The following EYS variants were observed in gnomAD, a reference collection of about 807,000 sequenced individuals.
The protein encoded by EYS is protein eyes shut homolog.
In EYS, 250 loss-of-function variants were observed where a neutral mutation model predicts 282.1. The ratio of observed to expected loss-of-function variants is 0.89; its 90% CI spans 0.80 to 0.98. The LOEUF (loss-of-function observed/expected upper bound fraction) is 0.98. Ranked by LOEUF, EYS falls within the 50% of genes least tolerant of loss-of-function variation. The pLI is 0.00. For missense variants in EYS, 4,016 were observed against 3,709.0 expected (o/e 1.08, Z -2.15); for synonymous variants, 1,355 against 1,282.9 (o/e 1.06, Z -1.20).
At chr6:64,720,779 C>T (rs895891413) in intron 22 of EYS, among the ~76,000 whole-genome samples, 2 of 152,168 alleles carry the variant, frequency 1.3e-5, no homozygotes, top group African/African-American at 4.8e-5. Context: ...ACCAGTCTAT[C>T]TTTCTCTTTA....
intron 28 of EYS, among the ~76,000 whole-genome samples, chr6:64,426,703 C>T (rs899878300): frequency 1.3e-5 from 2 of 152,068 alleles, no homozygotes; most frequent in Non-Finnish European, 2.9e-5. Context: ...GGATCAAGTC[C>T]TCCCAGTAGC....
chr6:65,150,335 A>G (rs1005930271), intron 12 of EYS, among the ~76,000 whole-genome samples: 7 of 151,882 alleles, frequency 4.6e-5, no homozygotes. Flanking sequence ...AGGAGTTTTA[A>G]TACTCTTTTC....
chr6:63,764,124 C>T (rs767214628), intron 40 of EYS, among the ~76,000 whole-genome samples: 8 of 151,460 alleles, frequency 5.3e-5, no homozygotes, highest in South Asian at 2.1e-4. Flanking sequence ...AATAAACCAC[C>T]GTGCCAGTCT....
At chr6:64,842,202 T>TTACAG (rs1765582394) in intron 19 of EYS, among the ~76,000 whole-genome samples, 1 of 151,626 alleles carries the variant, frequency 6.6e-6, no homozygotes, top group South Asian at 2.1e-4. Context: ...AGAATTTACA[T>TTACAG]AAGGTCTGGA....
intron 12 of EYS, among the ~76,000 whole-genome samples, chr6:65,064,302 CTTTA>C (rs1561947609): frequency 2.1e-5 from 3 of 140,400 alleles, no homozygotes; most frequent in South Asian, 2.2e-4. Flanking sequence ...CTATTCTTCT[CTTTA>C]TTTTTTTGTG....
At chr6:64,614,973 T>C (rs1448498428) in intron 24 of EYS, among the ~76,000 whole-genome samples, 1 of 152,120 alleles carries the variant, frequency 6.6e-6, no homozygotes, top group Non-Finnish European at 1.5e-5. Flanking sequence ...TTCAGGAGTT[T>C]ACAGTGTTTC....
intron 35 of EYS, among the ~76,000 whole-genome samples, chr6:63,944,316 A>G (rs1219461953): frequency 1.3e-5 from 2 of 152,262 alleles, no homozygotes; most frequent in Non-Finnish European, 2.9e-5. Context: ...ATAATAAATG[A>G]GAAAAATAAG....
At chr6:64,942,764 A>G (rs1231868351) in intron 15 of EYS, among the ~76,000 whole-genome samples, 3 of 149,506 alleles carry the variant, frequency 2.0e-5, no homozygotes, top group Non-Finnish European at 4.4e-5. Context: ...GACCAGATGG[A>G]TTCACGCCAA....
chr6:64,100,031 T>C (rs1254175456), intron 31 of EYS, among the ~76,000 whole-genome samples: 1 of 152,226 alleles, frequency 6.6e-6, no homozygotes, highest in African/African-American at 2.4e-5. Context: ...TTTTTGTTTT[T>C]CTGAGGATAT....
chr6:63,801,394 G>T (rs1371190652), intron 37 of EYS, among the ~76,000 whole-genome samples: 3 of 152,176 alleles, frequency 2.0e-5, no homozygotes, highest in Admixed American at 6.5e-5. Context: ...TGCTTCCCCA[G>T]CACCTAAAAG....
At chr6:64,605,783 T>C (rs1766911164) in intron 24 of EYS, among the ~76,000 whole-genome samples, 1 of 151,926 alleles carries the variant, frequency 6.6e-6, no homozygotes. Context: ...TAGCAGACAC[T>C]ATAGGTAAAT....
intron 33 of EYS, among the ~76,000 whole-genome samples, chr6:64,043,391 A>G (rs1582190570): frequency 6.6e-6 from 1 of 152,222 alleles, no homozygotes; most frequent in South Asian, 2.1e-4. Flanking sequence ...ACTGAAGAGC[A>G]TGGGGACATC....
At chr6:65,527,310 GT>G (rs1278449617) in intron 2 of EYS, among the ~76,000 whole-genome samples, 1 of 152,116 alleles carries the variant, frequency 6.6e-6, no homozygotes, top group Admixed American at 6.5e-5. Context: ...CTAATTAATG[GT>G]AGAGAAATAT....
At chr6:65,616,697 A>T (rs2149798326) in intron 2 of EYS, among the ~76,000 whole-genome samples, 1 of 152,042 alleles carries the variant, frequency 6.6e-6, no homozygotes, top group Non-Finnish European at 1.5e-5. Context: ...GAGGCAGGAG[A>T]ATAGCTTGAA....
intron 29 of EYS, among the ~76,000 whole-genome samples, chr6:64,370,903 T>C (rs1225711943): frequency 1.3e-5 from 2 of 152,026 alleles, no homozygotes; most frequent in Non-Finnish European, 2.9e-5. Context: ...TATTTGGATC[T>C]TCTGTTTTTC....
intron 13 of EYS, among the ~76,000 whole-genome samples, chr6:64,998,948 T>G (rs1175705935): frequency 6.6e-6 from 1 of 152,174 alleles, no homozygotes; most frequent in Non-Finnish European, 1.5e-5. Flanking sequence ...CTTTCAGCAT[T>G]GATGTTACGT....
intron 32 of EYS, among the ~76,000 whole-genome samples, chr6:64,077,385 G>T (rs536706759): frequency 7.2e-4 from 109 of 152,066 alleles, no homozygotes; most frequent in Admixed American, 1.9e-3. Context: ...ATTTTATAGG[G>T]AAAGGCAGGT....
At chr6:64,317,924 A>G (rs1268769716) in intron 29 of EYS, among the ~76,000 whole-genome samples, 2 of 152,142 alleles carry the variant, frequency 1.3e-5, no homozygotes, top group South Asian at 2.1e-4. Flanking sequence ...AAACTGACAC[A>G]AGAACAGAAA....
At chr6:65,663,825 C>T (rs1431284922) in intron 1 of EYS, among the ~76,000 whole-genome samples, 8 of 148,242 alleles carry the variant, frequency 5.4e-5, no homozygotes, top group Middle Eastern at 3.6e-3. Context: ...GGACTACGGG[C>T]GCCCGCCACC....
Sources: allele counts gnomAD v4.1 joint callset (sites outside exome capture counted in the v4.1 genomes callset), GRCh38; gene constraint gnomAD v4.1.1; transcripts MANE v1.5; gene names NCBI Gene and HGNC (gene_info 2026-07-23, HGNC 2026-07-21).